Variants in JAKMIP2 observed in about 807,000 individuals in gnomAD.
JAKMIP2 encodes the protein janus kinase and microtubule interacting protein 2.
A neutral mutation model predicts 115.0 loss-of-function variants in JAKMIP2; 25 were observed. The observed-to-expected ratio is 0.22, with a 90% CI of 0.16 to 0.30. The LOEUF is 0.30. JAKMIP2 is among the 10% of genes least tolerant of loss of function. The probability of loss-of-function intolerance (pLI) is 1.00; values close to 1 mark genes in which losing one functional copy is unlikely to be tolerated. For missense variants in JAKMIP2, 642 were observed against 957.6 expected (o/e 0.67, Z 4.35); for synonymous variants, 334 against 343.6 (o/e 0.97, Z 0.31).
chr5:147,767,772 A>G (rs1755205902), intron 1 of JAKMIP2, among the ~76,000 whole-genome samples: 1 of 152,148 alleles, frequency 6.6e-6, no homozygotes, highest in African/African-American at 2.4e-5. Flanking sequence ...TCAAATTGGA[A>G]AAAAATCTTT....
At chr5:147,630,381 C>T (rs1307417255) in intron 14 of JAKMIP2, among the ~76,000 whole-genome samples, 2 of 151,952 alleles carry the variant, frequency 1.3e-5, no homozygotes, top group Non-Finnish European at 2.9e-5. Context: ...AAAAATGCAT[C>T]GAAGGAAAAG....
Position 147,712,500 on chromosome 5 carries a change from G to A in JAKMIP2, c.-148-40546C>T, listed in dbSNP as rs1398122986. 2.0e-5 allele frequency among the ~76,000 whole-genome samples: 3 copies of A among 152,088 alleles called. No individual in the cohort carries two copies. In the East Asian group the frequency reaches 5.8e-4, roughly 29 times the overall value. On this transcript the variant is annotated intron_variant, in intron 1 of 21. Coordinates refer to ENST00000616793, the MANE Select transcript of JAKMIP2 (RefSeq NM_001270941.2). ...ATACAGGACTCTTCTAAAATCATAT[G>A]AAACCCATTGAAAAAATAGGAGCAA...
At chr5:147,600,435 T>C (rs1755637621) in intron 21 of JAKMIP2, among the ~76,000 whole-genome samples, 1 of 152,148 alleles carries the variant, frequency 6.6e-6, no homozygotes, top group African/African-American at 2.4e-5. Flanking sequence ...ACAGATCTCA[T>C]ACCTATGGAG....
chr5:147,698,602 A>C (rs896859948), intron 1 of JAKMIP2, among the ~76,000 whole-genome samples: 2 of 152,182 alleles, frequency 1.3e-5, no homozygotes, highest in Admixed American at 6.5e-5. Flanking sequence ...TGTTCTCATG[A>C]TAGTGAGTGA....
chr5:147,625,484 T>G (rs1444470473), intron 16 of JAKMIP2, among the ~76,000 whole-genome samples: 2 of 152,156 alleles, frequency 1.3e-5, no homozygotes, highest in East Asian at 3.8e-4. Flanking sequence ...TGAAACAAAT[T>G]TCTGTCAATC....
chr5:147,735,218 G>C (rs368177935), intron 1 of JAKMIP2, among the ~76,000 whole-genome samples: 21 of 152,180 alleles, frequency 1.4e-4, no homozygotes, highest in African/African-American at 5.1e-4. Context: ...TTTAAAGAAA[G>C]TGCATCGTGT....
At chr5:147,758,457 C>T (rs1208192246) in intron 1 of JAKMIP2, among the ~76,000 whole-genome samples, 1 of 152,048 alleles carries the variant, frequency 6.6e-6, no homozygotes, top group Non-Finnish European at 1.5e-5. Flanking sequence ...ACAAAACAAG[C>T]TTCAGGCTGT....
chr5:147,699,825 TG>T (rs1033040479), intron 1 of JAKMIP2, among the ~76,000 whole-genome samples: 1 of 152,170 alleles, frequency 6.6e-6, no homozygotes, highest in African/African-American at 2.4e-5. Context: ...TGCATAAAAT[TG>T]GGTTTCCAAA....
intron 1 of JAKMIP2, among the ~76,000 whole-genome samples, chr5:147,780,572 C>T (rs1755719284): frequency 6.6e-6 from 1 of 152,112 alleles, no homozygotes; most frequent in African/African-American, 2.4e-5. Context: ...TACCTCTTTC[C>T]TTGCCCTACT....
chr5:147,607,679 C>A (rs769529071), intron 20 of JAKMIP2, among the ~76,000 whole-genome samples: 1 of 152,134 alleles, frequency 6.6e-6, no homozygotes, highest in African/African-American at 2.4e-5. Flanking sequence ...CAGAATGATG[C>A]TGGCCTCATA....
intron 1 of JAKMIP2, among the ~76,000 whole-genome samples, chr5:147,682,028 A>G (rs1404720511): frequency 1.4e-5 from 2 of 146,258 alleles, no homozygotes; most frequent in Non-Finnish European, 3.0e-5. Context: ...TGACAGAATG[A>G]AACTCTGTTT....
In JAKMIP2 at chr5:147,629,735, G is replaced by A; in HGVS notation, c.1887C>T (p.Ile629=). ...TATCAAGCTGCTTTATGAGATCAGG[G>A]ATGTTCACATCCTGCAAAATCAAGC... is the stretch of plus-strand genomic sequence containing the variant. ...CMKEGVKDVN[I]PDLIKQLDIL... The change falls in exon 15 of 22, where the codon ATC becomes ATT. Residue 629 remains isoleucine (I), a synonymous_variant. Coordinates refer to ENST00000616793, the MANE Select transcript of JAKMIP2 (RefSeq NM_001270941.2). 6.2e-7 allele frequency: 1 copy of A among 1,612,126 alleles called. No individual in the cohort carries two copies. Among genetic ancestry groups the A allele is most frequent in the Non-Finnish European group, 8.5e-7 (1 of 1,178,994 alleles).
chr5:147,714,253 G>C (rs963258345), intron 1 of JAKMIP2, among the ~76,000 whole-genome samples: 3 of 152,014 alleles, frequency 2.0e-5, no homozygotes, highest in Non-Finnish European at 4.4e-5. Context: ...AAATTTGAAA[G>C]GCAACCTGAA....
At chr5:147,694,304 G>A (rs569966596) in intron 1 of JAKMIP2, among the ~76,000 whole-genome samples, 47 of 152,250 alleles carry the variant, frequency 3.1e-4, no homozygotes, top group African/African-American at 9.9e-4. Context: ...AGCAGCTTGC[G>A]CTCTTTTTGG....
chr5:147,721,678 A>G (rs1753305313), intron 1 of JAKMIP2, among the ~76,000 whole-genome samples: 1 of 152,088 alleles, frequency 6.6e-6, no homozygotes, highest in Non-Finnish European at 1.5e-5. Flanking sequence ...TGCGCTTCCC[A>G]AGTGAGGCAA....
chr5:147,778,284 T>TTTTTG (rs1388403827), intron 1 of JAKMIP2, among the ~76,000 whole-genome samples: 1 of 152,156 alleles, frequency 6.6e-6, no homozygotes, highest in Non-Finnish European at 1.5e-5. Context: ...TGTGAGCCTT[T>TTTTTG]TTTTGTTTTG....
chr5:147,689,153 G>A (rs898594475), intron 1 of JAKMIP2, among the ~76,000 whole-genome samples: 6 of 152,142 alleles, frequency 3.9e-5, no homozygotes, highest in African/African-American at 9.7e-5. Context: ...GAGCACAGAC[G>A]TCCAAGTTCC....
Position 147,615,372 on chromosome 5 carries a change from T to C in JAKMIP2, c.2346+2539A>G, listed in dbSNP as rs535103161. ...ATGGACACTTTAGGATGAGCAATTA[T>C]GCAACAAGGGCTTAGAGGTGGAAAA... is the stretch of plus-strand genomic sequence containing the variant. On this transcript the variant is annotated intron_variant, in intron 19 of 21. Coordinates refer to ENST00000616793, the MANE Select transcript of JAKMIP2 (RefSeq NM_001270941.2). Among the ~76,000 whole-genome samples, 4 of 152,294 alleles carry C rather than the reference T, an allele frequency of 2.6e-5. No individual in the cohort carries two copies. In the East Asian group the frequency reaches 7.7e-4, roughly 29 times the overall value.
chr5:147,690,491 C>T lies in JAKMIP2; in HGVS notation c.-148-18537G>A, dbSNP rs965794565. ...TCAAAACATTTAAAGAGCAAGATGA[C>T]GAATGAAGTCCAAAGTATAATGTCA... On this transcript the variant is annotated intron_variant, in intron 1 of 21. Coordinates refer to ENST00000616793, the MANE Select transcript of JAKMIP2 (RefSeq NM_001270941.2). Among the ~76,000 whole-genome samples, 8 of 141,190 alleles carry T rather than the reference C, an allele frequency of 5.7e-5. No homozygotes were observed. In the East Asian group the frequency reaches 6.4e-4, roughly 11 times the overall value. 92.6% of individuals were successfully genotyped at this position (141,190 alleles called of 152,430 possible).
Sources: allele counts gnomAD v4.1 joint callset (sites outside exome capture counted in the v4.1 genomes callset), GRCh38; gene constraint gnomAD v4.1.1; transcripts MANE v1.5; gene names NCBI Gene and HGNC (gene_info 2026-07-23, HGNC 2026-07-21).